NCALD: variants seen among roughly 807,000 people sequenced by gnomAD.
The protein encoded by NCALD is neurocalcin delta.
A neutral mutation model predicts 18.6 loss-of-function variants in NCALD; 10 were observed. The ratio of observed to expected loss-of-function variants is 0.54; its 90% CI spans 0.33 to 0.91. The LOEUF is 0.91. Ranked by LOEUF, NCALD falls within the 40% of genes least tolerant of loss-of-function variation. The pLI, the probability that NCALD is intolerant of heterozygous loss-of-function variation, is 0.03. For synonymous variants in NCALD, 88 were observed against 87.4 expected (o/e 1.01, Z -0.04); for missense variants, 184 against 247.6 (o/e 0.74, Z 1.72).
chr8:101,786,982 T>C (rs1337899319), intron 1 of NCALD, among the ~76,000 whole-genome samples: 1 of 152,222 alleles, frequency 6.6e-6, no homozygotes, highest in Admixed American at 6.5e-5. Flanking sequence ...GTTTTTAGTT[T>C]GGCTCCAGTG....
chr8:101,971,014 G>T lies in NCALD; in HGVS notation c.-157+49223C>A, dbSNP rs550659104. 3.3e-5 allele frequency among the ~76,000 whole-genome samples: 5 copies of T among 152,220 alleles called. No homozygotes were observed. In the South Asian group the frequency reaches 1.0e-3, roughly 32 times the overall value. Reference sequence around the variant, plus strand: ...TAAAGTGAGGTCCCTCCCTGTGTTTGCCTCCTTGCACATGCCCGTCTGCCT... The same window carrying T: ...TAAAGTGAGGTCCCTCCCTGTGTTTTCCTCCTTGCACATGCCCGTCTGCCT... On this transcript the variant is annotated intron_variant, in intron 2 of 6. Transcript: ENST00000311028.
rs80262220 is a variant in NCALD at position 101,849,771 on chromosome 8, G to C, written c.-20+37370C>G. ...TACGAGCAAGCAGAGACAAGCTAGCGCTAACTTCTTTTATCTTTGCTGCCA... is the reference window on the plus strand; with the variant it reads ...TACGAGCAAGCAGAGACAAGCTAGCCCTAACTTCTTTTATCTTTGCTGCCA... On this transcript the variant is annotated intron_variant, in intron 4 of 6. Coordinates refer to the NCALD transcript ENST00000311028. Among the ~76,000 whole-genome samples the C allele has an allele frequency of 9.3e-3, 1,420 of 152,214 alleles. 9 individuals are homozygous for C. Among genetic ancestry groups the C allele is most frequent in the Non-Finnish European group, 0.014 (970 of 68,020 alleles).
At chr8:101,712,500 TG>T (rs1290660796) in intron 2 of NCALD, among the ~76,000 whole-genome samples, 3 of 150,052 alleles carry the variant, frequency 2.0e-5, no homozygotes, top group Non-Finnish European at 2.9e-5. Flanking sequence ...ATCAGTGTGA[TG>T]TATTCAGGAG....
intron 1 of NCALD, among the ~76,000 whole-genome samples, chr8:101,723,421 G>C (rs778223271): frequency 9.2e-5 from 14 of 151,902 alleles, no homozygotes; most frequent in Non-Finnish European, 1.9e-4. Flanking sequence ...TATATATACT[G>C]TGCAGAAGAT....
At chr8:101,828,888 C>A (rs1486267644) in intron 4 of NCALD, among the ~76,000 whole-genome samples, 1 of 140,440 alleles carries the variant, frequency 7.1e-6, no homozygotes, top group Non-Finnish European at 1.5e-5. Flanking sequence ...ACGCTGGTAC[C>A]TAATAAGTGA....
chr8:101,856,428 T>C (rs60674060), intron 4 of NCALD, among the ~76,000 whole-genome samples: 2,560 of 152,248 alleles, frequency 0.017, 83 homozygotes, highest in African/African-American at 0.056. Context: ...CGACCTTGGC[T>C]TCTCAAAGTG....
At chr8:101,870,909 C>CCCCCA (rs1554649158) in intron 4 of NCALD, among the ~76,000 whole-genome samples, 3 of 81,544 alleles carry the variant, frequency 3.7e-5, no homozygotes, top group Admixed American at 1.6e-4. Flanking sequence ...CCCCCCCCCC[C>CCCCCA]AAAAAAAGAG....
chr8:101,864,802 G>A (rs1324842002), intron 4 of NCALD, among the ~76,000 whole-genome samples: 1 of 151,964 alleles, frequency 6.6e-6, no homozygotes, highest in Non-Finnish European at 1.5e-5. Context: ...CACCATGTTG[G>A]CTAGGCTGGT....
At chr8:102,079,608 C>T (rs926510406) in intron 1 of NCALD, among the ~76,000 whole-genome samples, 3 of 152,184 alleles carry the variant, frequency 2.0e-5, no homozygotes, top group Non-Finnish European at 2.9e-5. Flanking sequence ...TTATTAACTA[C>T]GGCTTTAAAG....
intron 2 of NCALD, among the ~76,000 whole-genome samples, chr8:101,713,295 A>G (rs1815899072): frequency 6.6e-6 from 1 of 152,234 alleles, no homozygotes; most frequent in Admixed American, 6.5e-5. Flanking sequence ...AGGGAAATTT[A>G]TAGCACTAAA....
At chr8:101,697,294 C>G (rs542344313) in intron 2 of NCALD, among the ~76,000 whole-genome samples, 1 of 152,114 alleles carries the variant, frequency 6.6e-6, no homozygotes, top group Non-Finnish European at 1.5e-5. Flanking sequence ...GAAATTGAGG[C>G]AGTAATTAAT....
At chr8:101,898,252 T>C (rs1318925134) in intron 3 of NCALD, among the ~76,000 whole-genome samples, 3 of 152,244 alleles carry the variant, frequency 2.0e-5, no homozygotes, top group Non-Finnish European at 4.4e-5. Context: ...TGTGGTGCTA[T>C]CTCATCATGG....
chr8:101,807,185 G>T (rs1463861752), intron 4 of NCALD, among the ~76,000 whole-genome samples: 1 of 152,062 alleles, frequency 6.6e-6, no homozygotes, highest in East Asian at 1.9e-4. Context: ...TAAAGCAAGT[G>T]ACCTCGGATA....
At chr8:101,817,264 C>A (rs561502767) in intron 4 of NCALD, among the ~76,000 whole-genome samples, 1 of 152,092 alleles carries the variant, frequency 6.6e-6, no homozygotes, top group Admixed American at 6.6e-5. Flanking sequence ...CTTGGTGGAG[C>A]CAGCAGAAGA....
At chr8:101,965,161 T>G (rs1819975341) in intron 2 of NCALD, among the ~76,000 whole-genome samples, 1 of 152,204 alleles carries the variant, frequency 6.6e-6, no homozygotes, top group Non-Finnish European at 1.5e-5. Flanking sequence ...TTTACAGTGT[T>G]GGTGGGAGTA....
intron 4 of NCALD, among the ~76,000 whole-genome samples, chr8:101,879,786 CAG>C: frequency 6.6e-6 from 1 of 152,276 alleles, no homozygotes; most frequent in South Asian, 2.1e-4. Context: ...TAGCTAGACA[CAG>C]AGCACTGATT....
chr8:102,054,775 T>C (rs1169803467), intron 1 of NCALD, among the ~76,000 whole-genome samples: 2 of 152,162 alleles, frequency 1.3e-5, no homozygotes, highest in South Asian at 2.1e-4. Flanking sequence ...TGATAGATGA[T>C]AGATGATAGA....
At chr8:101,743,362 GT>G (rs1810294151) in intron 1 of NCALD, among the ~76,000 whole-genome samples, 1 of 152,144 alleles carries the variant, frequency 6.6e-6, no homozygotes, top group Admixed American at 6.5e-5. Context: ...TACAAAAGTT[GT>G]GATATCTATA....
chr8:101,977,205 TGAA>T (rs1224709727), intron 2 of NCALD, among the ~76,000 whole-genome samples: 1 of 151,576 alleles, frequency 6.6e-6, no homozygotes, highest in Non-Finnish European at 1.5e-5. Flanking sequence ...TTGCCCAGCA[TGAA>T]GCATTACCCA....
Sources: gnomAD v4.1 joint callset for allele counts (sites outside exome capture counted in the v4.1 genomes callset) on GRCh38, gnomAD v4.1.1 for gene constraint, MANE v1.5 for transcripts, NCBI Gene and HGNC (gene_info 2026-07-23, HGNC 2026-07-21) for gene names.